Variants in GATA4 observed in about 807,000 individuals in gnomAD.
The protein encoded by GATA4 is transcription factor GATA-4.
GATA4 carries 7 observed loss-of-function variants against 37.9 expected under a neutral mutation model. That is an observed-to-expected ratio of 0.18 (90% CI 0.11 to 0.35). The LOEUF is 0.35. GATA4 is among the 10% of genes least tolerant of loss of function. The pLI, the probability that GATA4 is intolerant of heterozygous loss-of-function variation, is 1.00. For synonymous variants in GATA4, 372 were observed against 292.6 expected (o/e 1.27, Z -2.77); for missense variants, 647 against 653.0 (o/e 0.99, Z 0.10).
At chr8:11,733,624 T>C (rs574854354) in intron 2 of GATA4, among the ~76,000 whole-genome samples, 3 of 152,218 alleles carry the variant, frequency 2.0e-5, no homozygotes, top group Non-Finnish European at 4.4e-5. Flanking sequence ...GCCTTAACAA[T>C]GCCAAACTAA....
chr8:11,756,520 GC>G, intron 5 of GATA4: 1 of 276,508 alleles, frequency 3.6e-6, no homozygotes, highest in African/African-American at 2.2e-5. Context: ...CAGACACTAG[GC>G]TGTTGATAGT....
At chr8:11,680,004 G>C (rs559489744) in intron 1 of GATA4, among the ~76,000 whole-genome samples, 18 of 152,366 alleles carry the variant, frequency 1.2e-4, no homozygotes, top group African/African-American at 3.8e-4. Context: ...AAGATTGGGA[G>C]AAGTTAATCA....
chr8:11,729,547 C>G (rs1474775364), intron 2 of GATA4, among the ~76,000 whole-genome samples: 1 of 123,486 alleles, frequency 8.1e-6, no homozygotes, highest in Non-Finnish European at 1.8e-5. Context: ...CAGTGCGAGA[C>G]TGTGTCTCAA....
chr8:11,739,313 C>A (rs1394617657), intron 2 of GATA4, among the ~76,000 whole-genome samples: 1 of 152,222 alleles, frequency 6.6e-6, no homozygotes, highest in Non-Finnish European at 1.5e-5. Flanking sequence ...TTTTTGTACT[C>A]ATTCCTCTAC....
At chr8:11,715,038 A>AT (rs1289288672) in intron 2 of GATA4, among the ~76,000 whole-genome samples, 1 of 152,256 alleles carries the variant, frequency 6.6e-6, no homozygotes. Flanking sequence ...CTAAATGTGC[A>AT]TCCTTAGGGG....
chr8:11,715,528 C>T (rs1477306359), intron 2 of GATA4, among the ~76,000 whole-genome samples: 1 of 151,996 alleles, frequency 6.6e-6, no homozygotes, highest in Non-Finnish European at 1.5e-5. Flanking sequence ...GCGGGCGGAT[C>T]GTGAGATCAG....
At chr8:11,736,691 T>G (rs1801476237) in intron 2 of GATA4, among the ~76,000 whole-genome samples, 2 of 152,254 alleles carry the variant, frequency 1.3e-5, no homozygotes, top group African/African-American at 4.8e-5. Context: ...AATGTTGGGC[T>G]TCCTCAGATT....
At chr8:11,755,217 G>A in intron 5 of GATA4, 84 bp downstream of exon 5, 1 of 1,104,034 alleles carries the variant, frequency 9.1e-7, no homozygotes, top group Non-Finnish European at 1.4e-6. Context: ...GGGTTAGGCA[G>A]GCCAGCCCGG....
At position 11,749,491 on chromosome 8, in the gene GATA4, G is replaced by A. The variant is rs1361054669; in HGVS notation, c.786+406G>A. 6.6e-6 allele frequency among the ~76,000 whole-genome samples: 1 copy of A among 152,218 alleles called. No individual in the cohort carries two copies. The highest frequency in any genetic ancestry group is 1.5e-5 in the Non-Finnish European group (1 of 68,044). On this transcript the variant is annotated intron_variant, in intron 3 of 6. Coordinates refer to ENST00000532059, the MANE Select transcript of GATA4 (RefSeq NM_001308093.3). This position sits in a 1 kb window ranked among gnomAD's most constrained non-coding sequence, Gnocchi z 4.6. ...GCTGGTCTCTACCCTGACCTCAGTT[G>A]ATCAGTTGATAAATCCCAAAGCCCA...
At chr8:11,741,970 C>G (rs935794136) in intron 2 of GATA4, among the ~76,000 whole-genome samples, 1 of 152,198 alleles carries the variant, frequency 6.6e-6, no homozygotes, top group Non-Finnish European at 1.5e-5. Context: ...AAGAGACTGA[C>G]TGCCCAGCCT....
chr8:11,682,412 G>A (rs1267036250), intron 1 of GATA4, among the ~76,000 whole-genome samples: 1 of 152,180 alleles, frequency 6.6e-6, no homozygotes, highest in Non-Finnish European at 1.5e-5. Flanking sequence ...CTTTTTTGTA[G>A]ATAAATAATG....
intron 2 of GATA4, among the ~76,000 whole-genome samples, chr8:11,712,312 A>C (rs1373902255): frequency 6.6e-6 from 1 of 152,208 alleles, no homozygotes; most frequent in African/African-American, 2.4e-5. Flanking sequence ...ACTCAATGTG[A>C]AAATGGGTGC....
intron 2 of GATA4, among the ~76,000 whole-genome samples, chr8:11,744,260 A>ACAATAATC (rs1240537943): frequency 6.6e-6 from 1 of 152,196 alleles, no homozygotes; most frequent in Non-Finnish European, 1.5e-5. Flanking sequence ...CAGCCTCCTA[A>ACAATAATC]CAATAATCCA....
chr8:11,758,349 G>A lies in GATA4; in HGVS notation c.1206G>A (p.Ser402=), dbSNP rs141909277. ...GGCCCTCCATCCACCCTGTCCTCTC[G>A]GCCCTGAAGCTCTCCCCACAAGGCT... ...GHGPSIHPVL[S]ALKLSPQGYA... is the part of the protein sequence containing the mutation. The change falls in exon 7 of 7, where the codon TCG becomes TCA. Residue 402 remains serine, a synonymous_variant. Transcript: ENST00000532059. 2.9e-5 allele frequency: 47 copies of A among 1,614,004 alleles called. No individual in the cohort carries two copies. Among genetic ancestry groups the A allele is most frequent in the South Asian group, 1.5e-4 (14 of 91,076 alleles).
intron 2 of GATA4, among the ~76,000 whole-genome samples, chr8:11,748,434 A>G (rs1446641766): frequency 6.6e-6 from 1 of 152,236 alleles, no homozygotes; most frequent in Non-Finnish European, 1.5e-5. Flanking sequence ...AGGATACAAT[A>G]GAACCAAATG....
intron 2 of GATA4, among the ~76,000 whole-genome samples, chr8:11,742,401 TCC>T (rs1563222373): frequency 5.3e-4 from 67 of 125,500 alleles, no homozygotes; most frequent in Non-Finnish European, 9.1e-4. Context: ...TTTTTTCCTT[TCC>T]CTTTCCCTTT....
At chr8:11,681,396 C>G in intron 1 of GATA4, 1 of 985,154 alleles carries the variant, frequency 1.0e-6, no homozygotes, top group East Asian at 1.1e-4. Context: ...CAGACCCTTC[C>G]GGGATCACGC....
chr8:11,681,742 C>G lies in GATA4; in HGVS notation c.-274+4679C>G, dbSNP rs184655077. On this transcript the variant is annotated intron_variant, in intron 1 of 6. Coordinates refer to the GATA4 transcript ENST00000528712. ...CCTTTTCTTGCTTAATCAAAATTCT[C>G]CCCGCTTACTTTGTTCTTTGCCCAC... Among the ~76,000 whole-genome samples, 32 of 152,228 alleles carry G rather than the reference C, an allele frequency of 2.1e-4. 1 individual carries two copies. The East Asian group carries it at 6.2e-3, about 29-fold the overall frequency.
intron 1 of GATA4, chr8:11,697,720 A>G (rs916009962): frequency 1.1e-4 from 112 of 985,090 alleles, no homozygotes; most frequent in South Asian, 5.2e-4. Context: ...CTTCCTTGAC[A>G]CTTTCCTGTC....
Sources: allele counts gnomAD v4.1 joint callset (sites outside exome capture counted in the v4.1 genomes callset), GRCh38; gene constraint gnomAD v4.1.1; non-coding constraint Gnocchi (gnomAD v3.1); transcripts MANE v1.5; gene names NCBI Gene and HGNC (gene_info 2026-07-23, HGNC 2026-07-21).